Variants in TTC23L observed in about 807,000 individuals in gnomAD.
TTC23L encodes the protein tetratricopeptide repeat protein 23-like.
In TTC23L, 42 loss-of-function variants were observed where a neutral mutation model predicts 48.1. The observed-to-expected ratio is 0.87, with a 90% CI of 0.68 to 1.13. The LOEUF is 1.13. TTC23L is among the 50% of genes most tolerant of loss of function. The pLI is 0.00. For missense variants in TTC23L, 391 were observed against 421.0 expected (o/e 0.93, Z 0.62); for synonymous variants, 159 against 157.2 (o/e 1.01, Z -0.09).
chr5:34,856,943 G>C (rs1423362588), intron 4 of TTC23L, among the ~76,000 whole-genome samples: 1 of 152,236 alleles, frequency 6.6e-6, no homozygotes, highest in Non-Finnish European at 1.5e-5. Context: ...GGCTAGTGAA[G>C]ATGATTTTAC....
the TTC23L span, among the ~76,000 whole-genome samples, chr5:34,910,761 A>G: frequency 1.3e-5 from 2 of 152,218 alleles, no homozygotes; most frequent in Admixed American, 6.5e-5. Context: ...AGTAGTTACA[A>G]AAAGAATACC....
chr5:34,842,621 T>C (rs933201332), intron 2 of TTC23L, among the ~76,000 whole-genome samples: 9 of 152,272 alleles, frequency 5.9e-5, no homozygotes, highest in Non-Finnish European at 8.8e-5. Flanking sequence ...AGCTGCTTAG[T>C]CCAGAGTAGG....
downstream of TTC23L, among the ~76,000 whole-genome samples, chr5:34,903,958 ATT>A (rs997928966): frequency 6.6e-6 from 1 of 151,976 alleles, no homozygotes; most frequent in Non-Finnish European, 1.5e-5. Flanking sequence ...TTCAATAAAT[ATT>A]GTTATTTTTA....
exon 5 of TTC23L, chr5:34,862,904 C>T: frequency 6.2e-7 from 1 of 1,613,892 alleles, no homozygotes; most frequent in Non-Finnish European, 8.5e-7. Context: ...CCAGGCCTCC[C>T]AGTTCAGGCC....
chr5:34,925,348 T>C, the TTC23L span: 1 of 1,614,058 alleles, frequency 6.2e-7, no homozygotes, highest in Non-Finnish European at 8.5e-7. Context: ...CCACTGCAGA[T>C]GTTTTTGTAA....
Position 34,846,600 on chromosome 5 carries a change from T to TATATAC in TTC23L, c.255+928_255+929insTATACA, listed in dbSNP as rs61009546. Reference sequence around the variant, plus strand: ...AAATATATATATATATATATATATATACACACACATATATATACACACACA... The same window carrying TATATAC: ...AAATATATATATATATATATATATATATATACACACACACATATATATACACACACA... On this transcript the variant is annotated intron_variant, in intron 3 of 10. Transcript: ENST00000505624. Among the ~76,000 whole-genome samples, 160 of 92,884 alleles carry TATATAC rather than the reference T, an allele frequency of 1.7e-3. 9 individuals are homozygous for TATATAC. Among genetic ancestry groups the TATATAC allele is most frequent in the Middle Eastern group, 6.0e-3 (1 of 166 alleles). 60.9% of individuals were successfully genotyped at this position (92,884 alleles called of 152,430 possible).
the TTC23L span, chr5:34,908,556 T>C: frequency 6.4e-6 from 3 of 466,328 alleles, no homozygotes; most frequent in East Asian, 6.7e-5. Context: ...GAATAATCTA[T>C]GACTACAGGA....
At chr5:34,875,564 C>T (rs1761775598) in intron 8 of TTC23L, among the ~76,000 whole-genome samples, 1 of 152,048 alleles carries the variant, frequency 6.6e-6, no homozygotes, top group Non-Finnish European at 1.5e-5. Context: ...AGATTGTACC[C>T]ACCCAGATTA....
At chr5:34,918,660 A>G in the TTC23L span, 1 of 484,712 alleles carries the variant, frequency 2.1e-6, no homozygotes, top group Non-Finnish European at 3.7e-6. Flanking sequence ...AGATTTCATT[A>G]GGTAGATTCT....
the TTC23L span, chr5:34,918,518 T>C: frequency 1.8e-6 from 2 of 1,101,982 alleles, no homozygotes; most frequent in Admixed American, 5.0e-5. Context: ...ATCTATAAAC[T>C]TACCTATTTT....
chr5:34,855,425 G>T (rs1396425229), intron 4 of TTC23L, among the ~76,000 whole-genome samples: 1 of 152,212 alleles, frequency 6.6e-6, no homozygotes, highest in Non-Finnish European at 1.5e-5. Context: ...GTGATGGAAT[G>T]GAAGCCATCT....
At chr5:34,878,159 G>C (rs1270543411) in intron 8 of TTC23L, among the ~76,000 whole-genome samples, 1 of 152,118 alleles carries the variant, frequency 6.6e-6, no homozygotes, top group East Asian at 1.9e-4. Context: ...ATCTAGCAAA[G>C]TATTTGTGAA....
chr5:34,843,478 G>A (rs1241950990), intron 2 of TTC23L, among the ~76,000 whole-genome samples: 2 of 152,188 alleles, frequency 1.3e-5, no homozygotes. Context: ...TTCCTTTGAA[G>A]TCCCTGAGGT....
chr5:34,922,067 C>G, the TTC23L span: 1 of 439,398 alleles, frequency 2.3e-6, no homozygotes, highest in East Asian at 3.6e-5. Flanking sequence ...TTAAAGGTTC[C>G]TTCTGTGAAT....
At chr5:34,917,359 C>T in the TTC23L span, among the ~76,000 whole-genome samples, 2 of 152,068 alleles carry the variant, frequency 1.3e-5, no homozygotes, top group African/African-American at 2.4e-5. Context: ...AATGGTCCAG[C>T]GTGGTGGCTC....
chr5:34,904,510 C>T, the TTC23L span, among the ~76,000 whole-genome samples: 1 of 151,456 alleles, frequency 6.6e-6, no homozygotes, highest in Non-Finnish European at 1.5e-5. Flanking sequence ...AGGAGAACCG[C>T]TTGAACCTGG....
At chr5:34,866,769 GC>G in intron 6 of TTC23L, 122 bp from the exon 7 acceptor site, 1 of 848,822 alleles carries the variant, frequency 1.2e-6, no homozygotes, top group Non-Finnish European at 1.8e-6. Flanking sequence ...AGATTTTTGA[GC>G]CAGCTACCAA....
At chr5:34,888,214 C>G (rs1309595139) in intron 9 of TTC23L, among the ~76,000 whole-genome samples, 2 of 152,164 alleles carry the variant, frequency 1.3e-5, no homozygotes, top group Admixed American at 6.5e-5. Context: ...TGGACTAAGA[C>G]AGCATGGCTA....
intron 8 of TTC23L, among the ~76,000 whole-genome samples, chr5:34,872,935 C>T (rs1177571178): frequency 4.6e-5 from 7 of 152,036 alleles, no homozygotes; most frequent in East Asian, 1.9e-4. Flanking sequence ...TGGTGGCATG[C>T]GCCTGTAATC....
Sources: gnomAD v4.1 joint callset for allele counts (sites outside exome capture counted in the v4.1 genomes callset) on GRCh38, gnomAD v4.1.1 for gene constraint, MANE v1.5 for transcripts, NCBI Gene and HGNC (gene_info 2026-07-23, HGNC 2026-07-21) for gene names.